COL22A1: variants seen among roughly 807,000 people sequenced by gnomAD.
COL22A1 encodes collagen alpha-1(XXII) chain.
Under a neutral mutation model 248.9 loss-of-function variants are expected in COL22A1, and 221 were observed. The ratio of observed to expected loss-of-function variants is 0.89; its 90% CI spans 0.80 to 0.99. COL22A1 has a LOEUF of 0.99. COL22A1 is among the 50% of genes least tolerant of loss of function. The pLI is 0.00. For missense variants in COL22A1, 2,240 were observed against 2,179.0 expected, an observed-to-expected ratio of 1.03 and a Z score of -0.56; for synonymous variants, 891 against 793.4, an observed-to-expected ratio of 1.12 and a Z score of -2.07.
intron 1 of COL22A1, among the ~76,000 whole-genome samples, chr8:138,905,112 A>G (rs972325738): frequency 6.6e-6 from 1 of 152,088 alleles, no homozygotes; most frequent in African/African-American, 2.4e-5. Flanking sequence ...TAGATACATG[A>G]CAAACTCTAA....
At chr8:138,842,814 C>T (rs546249773) in intron 4 of COL22A1, among the ~76,000 whole-genome samples, 2 of 152,340 alleles carry the variant, frequency 1.3e-5, no homozygotes, top group African/African-American at 4.8e-5. Context: ...ACAGTGATAG[C>T]ACCCCACTGG....
In COL22A1 at chr8:138,833,055, C is replaced by T; in HGVS notation, c.829G>A (p.Val277Met). 1 of 1,612,148 alleles carries T rather than the reference C, an allele frequency of 6.2e-7. No individual in the cohort carries two copies. Among genetic ancestry groups the T allele is most frequent in the Non-Finnish European group, 8.5e-7 (1 of 1,178,176 alleles). Reference protein sequence around the residue: ...SSYVRMGSFPVVQSTEDVFPQ... With the variant: ...SSYVRMGSFPMVQSTEDVFPQ... ...GCCACTCACTCAGTACTTTGCACCA[C>T]AGGGAAGGATCCCATCCGTACATAG... Residue 277 changes from valine (V) to methionine (M), a missense_variant, in exon 5 of 65, where the codon GTG (valine) becomes ATG (methionine). Transcript: ENST00000303045.
chr8:138,729,328 ACT>A (rs752834793), intron 23 of COL22A1, among the ~76,000 whole-genome samples: 19 of 151,880 alleles, frequency 1.3e-4, no homozygotes, highest in Non-Finnish European at 4.4e-5. Context: ...CTCCTAAAAG[ACT>A]CTGCATGTTA....
chr8:138,899,141 T>C (rs1405803685), intron 1 of COL22A1, among the ~76,000 whole-genome samples: 1 of 152,158 alleles, frequency 6.6e-6, no homozygotes, highest in African/African-American at 2.4e-5. Context: ...TCCCCCTCTT[T>C]ATTCTCCCCT....
rs1485110124 is a variant in COL22A1, at chr8:138,623,920, A to G, written c.3718-135T>C. On this transcript the variant is annotated intron_variant, in intron 51 of 64. Transcript: ENST00000303045. Reference sequence around the variant, plus strand: ...CAGTTGGCAGCTAAGGCAGTGTCTCAACGGACAGAATTGTTCTGATTTCCT... The same window carrying G: ...CAGTTGGCAGCTAAGGCAGTGTCTCGACGGACAGAATTGTTCTGATTTCCT... The G allele has an allele frequency of 8.9e-6, 6 of 676,150 alleles. No individual in the cohort carries two copies. In the East Asian group the frequency reaches 1.6e-4, roughly 18 times the overall value. The allele number at this position is 676,150 out of a possible 1,614,324, so 41.9% of individuals were successfully genotyped here. A position where few individuals can be genotyped will look rare whatever the true frequency, so the allele number is the denominator to read the frequency against.
intron 45 of COL22A1, among the ~76,000 whole-genome samples, chr8:138,654,131 G>A (rs942357102): frequency 2.6e-5 from 4 of 152,186 alleles, no homozygotes; most frequent in Admixed American, 2.6e-4. Context: ...TTGACATAAA[G>A]ATTGGGACAT....
At chr8:138,641,503 T>A (rs1288073044) in intron 47 of COL22A1, among the ~76,000 whole-genome samples, 1 of 152,250 alleles carries the variant, frequency 6.6e-6, no homozygotes, top group Non-Finnish European at 1.5e-5. Flanking sequence ...ACCATCTTGT[T>A]GCTTCTTCCT....
intron 41 of COL22A1, among the ~76,000 whole-genome samples, chr8:138,674,352 A>AC (rs1295689210): frequency 1.3e-5 from 2 of 151,284 alleles, no homozygotes; most frequent in African/African-American, 4.9e-5. Context: ...CCCCTTCTTC[A>AC]CCTCCTCCAC....
intron 52 of COL22A1, among the ~76,000 whole-genome samples, chr8:138,621,063 C>A (rs1417430285): frequency 6.6e-6 from 1 of 152,012 alleles, no homozygotes. Context: ...TCCATTTGTG[C>A]CCCTCCCATA....
chr8:138,743,465 G>T (rs1461212712), intron 22 of COL22A1, among the ~76,000 whole-genome samples: 1 of 131,418 alleles, frequency 7.6e-6, no homozygotes, highest in Non-Finnish European at 1.6e-5. Context: ...GGTTTTGGTG[G>T]TAATGATGGT....
chr8:138,808,795 G>A (rs370517728), intron 9 of COL22A1, among the ~76,000 whole-genome samples: 30 of 152,328 alleles, frequency 2.0e-4, no homozygotes, highest in African/African-American at 6.7e-4. Flanking sequence ...TGCATTCACA[G>A]ATGTCATTTG....
intron 41 of COL22A1, among the ~76,000 whole-genome samples, chr8:138,664,877 G>A (rs1824356290): frequency 6.6e-6 from 1 of 152,186 alleles, no homozygotes; most frequent in Non-Finnish European, 1.5e-5. Context: ...GAGAGAGAGA[G>A]AGACCTGCCC....
chr8:138,710,575 T>A (rs1203593350), intron 30 of COL22A1, among the ~76,000 whole-genome samples: 1 of 146,660 alleles, frequency 6.8e-6, no homozygotes, highest in Non-Finnish European at 1.5e-5. Context: ...TTCATCTTTG[T>A]AGCAATGCCC....
chr8:138,633,248 C>T (rs1265405229), intron 49 of COL22A1, among the ~76,000 whole-genome samples: 3 of 152,220 alleles, frequency 2.0e-5, no homozygotes, highest in Non-Finnish European at 4.4e-5. Flanking sequence ...CAGTACAAAG[C>T]ACGACACAAA....
chr8:138,795,177 T>A (rs2131597877), intron 12 of COL22A1, among the ~76,000 whole-genome samples: 2 of 152,174 alleles, frequency 1.3e-5, no homozygotes, highest in East Asian at 3.9e-4. Context: ...CACAGAGAAG[T>A]CATGGAAAGC....
At chr8:138,599,293 T>C (rs1299771797) in intron 60 of COL22A1, among the ~76,000 whole-genome samples, 1 of 151,682 alleles carries the variant, frequency 6.6e-6, no homozygotes, top group Non-Finnish European at 1.5e-5. Flanking sequence ...TTGTTAACCC[T>C]GTGAAACCCC....
chr8:138,631,754 G>C (rs566783592), intron 49 of COL22A1, among the ~76,000 whole-genome samples: 5 of 152,042 alleles, frequency 3.3e-5, no homozygotes, highest in Admixed American at 6.6e-5. Flanking sequence ...TCAGTGAAAG[G>C]TTTTCTGCCT....
intron 3 of COL22A1, among the ~76,000 whole-genome samples, chr8:138,849,118 G>A (rs1292932920): frequency 6.6e-6 from 1 of 152,150 alleles, no homozygotes; most frequent in African/African-American, 2.4e-5. Flanking sequence ...TCAGACAGGC[G>A]ACAGACACAT....
intron 45 of COL22A1, among the ~76,000 whole-genome samples, chr8:138,652,597 TG>T (rs1347641368): frequency 7.2e-5 from 11 of 152,210 alleles, no homozygotes; most frequent in African/African-American, 2.2e-4. Context: ...TTTAGGAGAT[TG>T]TTGTGAAATT....
Sources: allele counts gnomAD v4.1 joint callset (sites outside exome capture counted in the v4.1 genomes callset), GRCh38; gene constraint gnomAD v4.1.1; transcripts MANE v1.5; gene names NCBI Gene and HGNC (gene_info 2026-07-23, HGNC 2026-07-21).